DLG3: variants seen among roughly 807,000 people sequenced by gnomAD.
DLG3 encodes disks large homolog 3.
A neutral mutation model predicts 64.1 loss-of-function variants in DLG3; 1 was observed. The ratio of observed to expected loss-of-function variants is 0.02; its 90% CI spans 0.01 to 0.07. The LOEUF (loss-of-function observed/expected upper bound fraction) is 0.07, where lower values mean the gene tolerates loss of function less well. Among genes scored for constraint, DLG3 ranks in the 10% least tolerant of loss-of-function variants. DLG3 has a pLI of 1.00. For missense variants in DLG3, 429 were observed against 669.5 expected (o/e 0.64, Z 3.96); for synonymous variants, 245 against 259.8 (o/e 0.94, Z 0.55).
At chrX:70,455,162 C>T (rs2086682543) in intron 9 of DLG3, 4 of 753,512 alleles carry the variant, frequency 5.3e-6, no homozygotes, top group African/African-American at 4.6e-5. Flanking sequence ...CCCCTCCTCC[C>T]GCGCGCCCCG....
In DLG3 at chrX:70,445,491, A is replaced by T. The variant is rs749634953; in HGVS notation, c.290A>T (p.Lys97Ile). 8.3e-7 allele frequency: 1 copy of T among 1,199,057 alleles called. No individual in the cohort carries two copies. The highest frequency in any genetic ancestry group is 1.1e-6 in the Non-Finnish European group (1 of 889,593). ...CCAGTCCCGGGCAAGAGCACCCCCA[A>T]ACTCAACGGCAGCGGCCCCAGCTGG... ...PKPVPGKSTP[K>I]LNGSGPSWWP... The change falls in exon 1 of 19, where the codon AAA becomes ATA. Residue 97 changes from lysine (K) to isoleucine (I), a missense_variant. Transcript: ENST00000374360.
At chrX:70,455,337 C>G (rs2086686053) in intron 9 of DLG3, 1 of 752,267 alleles carries the variant, frequency 1.3e-6, no homozygotes, top group Admixed American at 8.7e-5. Flanking sequence ...TTCTCAGCCT[C>G]TTTTCCAACA....
chrX:70,500,013 G>T lies in DLG3; in HGVS notation c.2109G>T (p.Gly703=). 1.7e-6 allele frequency: 2 copies of T among 1,211,228 alleles called. No individual in the cohort carries two copies. The highest frequency in any genetic ancestry group is 3.5e-5 in the South Asian group (2 of 56,861). Residue 703 remains glycine (G), a synonymous_variant, in exon 16 of 19, where the codon GGG becomes GGT. Coordinates refer to ENST00000374360, the MANE Select transcript of DLG3 (RefSeq NM_021120.4). ...GCCAATTTAATGATAACCTCTATGG[G>T]ACCAGCATCCAGTCAGTGCGGGCAG... ...EAGQFNDNLY[G]TSIQSVRAVA...
chrX:70,488,121 C>T (rs1307443579), intron 10 of DLG3, among the ~76,000 whole-genome samples: 3 of 110,069 alleles, frequency 2.7e-5, no homozygotes, highest in Admixed American at 9.7e-5. Context: ...AAGCGATTCT[C>T]CTGCCTCAGC....
Position 70,445,350 on chromosome X carries a change from G to T in DLG3, c.149G>T (p.Gly50Val). Residue 50 changes from glycine (G) to valine (V), a missense_variant, in exon 1 of 19, where the codon GGT becomes GTT. Gly to Val is a moderately radical substitution (Grantham distance 109). Coordinates refer to ENST00000374360, the MANE Select transcript of DLG3 (RefSeq NM_021120.4). ...GPGGGNGASAGYGGYSSQTLP... is the reference protein window; with the variant it reads ...GPGGGNGASAVYGGYSSQTLP... Reference sequence around the variant, plus strand: ...GGTGGGGGCAACGGCGCCAGCGCGGGTTATGGGGGCTACAGCTCGCAGACC... The same window carrying T: ...GGTGGGGGCAACGGCGCCAGCGCGGTTTATGGGGGCTACAGCTCGCAGACC... 1 of 1,172,681 alleles carries T rather than the reference G, an allele frequency of 8.5e-7. No individual in the cohort carries two copies. The highest frequency in any genetic ancestry group is 1.1e-6 in the Non-Finnish European group (1 of 877,081).
chrX:70,495,295 AT>A, intron 12 of DLG3, 112 bp from the exon 13 acceptor site: 1 of 711,022 alleles, frequency 1.4e-6, no homozygotes, highest in Non-Finnish European at 2.2e-6. Context: ...CTTTTTCTCT[AT>A]TTTTTCTCTT....
Position 70,445,147 on chromosome X carries a change from C to T in DLG3, c.-55C>T, listed in dbSNP as rs1212091080. On this transcript the variant is annotated 5_prime_UTR_variant, in exon 1 of 19. Transcript: ENST00000374360. ...GCGGCGGCGGTGGTGGCGGCGGTGG[C>T]GGCGGCGTGGAATCCGGCGTGGGCT... 19 of 982,953 alleles carry T rather than the reference C, an allele frequency of 1.9e-5. No homozygotes were observed. The highest frequency in any genetic ancestry group is 6.0e-5 in the African/African-American group (3 of 49,618). 81.0% of individuals were successfully genotyped at this position (982,953 alleles called of 1,213,427 possible).
chrX:70,487,457 CT>C, intron 10 of DLG3, among the ~76,000 whole-genome samples: 1 of 111,909 alleles, frequency 8.9e-6, no homozygotes, highest in African/African-American at 3.2e-5. Flanking sequence ...GCAGTATCTC[CT>C]TGTAGCTTCC....
intron 9 of DLG3, 58 bp from the exon 10 acceptor site, chrX:70,479,092 C>A: frequency 9.2e-7 from 1 of 1,083,000 alleles, no homozygotes; most frequent in Non-Finnish European, 1.3e-6. Flanking sequence ...GGCATGCAAG[C>A]TCAGAGGCGC....
chrX:70,490,563 C>G (rs2147869357), intron 10 of DLG3, among the ~76,000 whole-genome samples: 1 of 112,317 alleles, frequency 8.9e-6, no homozygotes, highest in Admixed American at 9.4e-5. Flanking sequence ...TCATCTGACG[C>G]TGATTTTTAA....
rs2086604489 is a variant in DLG3 at position 70,450,256 on chromosome X, G to C, written c.791G>C (p.Gly264Ala). 1 of 1,200,631 alleles carries C rather than the reference G, an allele frequency of 8.3e-7. No individual in the cohort carries two copies. Among genetic ancestry groups the C allele is most frequent in the Non-Finnish European group, 1.1e-6 (1 of 890,295 alleles). Residue 264 changes from glycine (G) to alanine (A), a missense_variant, in exon 5 of 19, where the codon GGT (glycine) becomes GCT (alanine). Transcript: ENST00000374360. ...TACATCACCAAGATCATTGAGGGGGGTGCTGCTCAGAAGGATGGACGCCTA... is the reference window on the plus strand; with the variant it reads ...TACATCACCAAGATCATTGAGGGGGCTGCTGCTCAGAAGGATGGACGCCTA... ...SIYITKIIEG[G>A]AAQKDGRLQI...
intron 9 of DLG3, among the ~76,000 whole-genome samples, chrX:70,463,005 C>G (rs2086830975): frequency 8.9e-6 from 1 of 111,849 alleles, no homozygotes; most frequent in Admixed American, 9.5e-5. Context: ...CTGAATTTAG[C>G]TGGTCAGGTG....
chrX:70,484,815 AG>A (rs1272252431), intron 10 of DLG3, among the ~76,000 whole-genome samples: 1 of 111,754 alleles, frequency 8.9e-6, no homozygotes, highest in East Asian at 2.8e-4. Context: ...CAAAGGAGGA[AG>A]GTGCTCTTAA....
intron 10 of DLG3, among the ~76,000 whole-genome samples, chrX:70,489,096 C>T (rs1036374437): frequency 9.0e-6 from 1 of 111,455 alleles, no homozygotes; most frequent in Non-Finnish European, 1.9e-5. Flanking sequence ...GATATATCTG[C>T]TTCCCCACTT....
In DLG3 at chrX:70,447,251, C is replaced by A. The variant is rs749771472; in HGVS notation, c.358-1662C>A. ...CTGGGAACGGGAAGCCTCTGGGTAC[C>A]ACTGGGGCTGGGCTTGAGGCATGGC... On this transcript the variant is annotated intron_variant, in intron 1 of 18. Coordinates refer to ENST00000374360, the MANE Select transcript of DLG3 (RefSeq NM_021120.4). Among the ~76,000 whole-genome samples the A allele has an allele frequency of 2.7e-5, 3 of 111,483 alleles. No individual in the cohort carries two copies. The South Asian group carries it at 1.2e-3, about 43-fold the overall frequency.
chrX:70,495,272 C>A, intron 12 of DLG3, 136 bp from the exon 13 acceptor site: 1 of 563,571 alleles, frequency 1.8e-6, no homozygotes, highest in Non-Finnish European at 3.1e-6. Flanking sequence ...CTGTATTCTT[C>A]CTCCCCCCTT....
rs114428452 is a variant in DLG3 at position 70,465,674 on chromosome X, T to A, written c.1405+11358T>A. Among the ~76,000 whole-genome samples, 815 of 112,110 alleles carry A rather than the reference T, an allele frequency of 7.3e-3. 5 individuals are homozygous for A. Among genetic ancestry groups the A allele is most frequent in the African/African-American group, 0.025 (770 of 30,932 alleles). ...GTATTTCCCTCTAAACTTTTATATATTTATATTACATATATCATATAATAT... is the reference window on the plus strand; with the variant it reads ...GTATTTCCCTCTAAACTTTTATATAATTATATTACATATATCATATAATAT... On this transcript the variant is annotated intron_variant, in intron 9 of 18. Coordinates refer to ENST00000374360, the MANE Select transcript of DLG3 (RefSeq NM_021120.4).
rs1020268688 is a variant in DLG3, at chrX:70,453,691, C to T, written c.1200C>T (p.Ile400=). ...HKGSTGLGFN[I]VGGEDGEGIF... ...GCTCCACAGGCCTGGGCTTCAACATCGTAGGAGGAGAGGATGGAGAAGGCA... is the reference window on the plus strand; with the variant it reads ...GCTCCACAGGCCTGGGCTTCAACATTGTAGGAGGAGAGGATGGAGAAGGCA... The change falls in exon 8 of 19, where the codon ATC becomes ATT. Residue 400 remains isoleucine (I), a synonymous_variant. Transcript: ENST00000374360. The T allele has an allele frequency of 8.3e-7, 1 of 1,206,681 alleles. No homozygotes were observed. The highest frequency in any genetic ancestry group is 1.8e-5 in the African/African-American group (1 of 57,022).
At chrX:70,498,080 C>G (rs1026659644) in intron 13 of DLG3, among the ~76,000 whole-genome samples, 1 of 111,782 alleles carries the variant, frequency 8.9e-6, no homozygotes, top group Non-Finnish European at 1.9e-5. Context: ...TTTAAAAGGG[C>G]AAAGTTAGGC....
Sources: gnomAD v4.1 joint callset for allele counts (sites outside exome capture counted in the v4.1 genomes callset) on GRCh38, gnomAD v4.1.1 for gene constraint, MANE v1.5 for transcripts, NCBI Gene and HGNC (gene_info 2026-07-23, HGNC 2026-07-21) for gene names.